WDR89: variants seen among roughly 807,000 people sequenced by gnomAD.
WDR89 encodes WD repeat domain 89, also known as WD repeat-containing protein 89.
In WDR89, 17 loss-of-function variants were observed where a neutral mutation model predicts 29.1. The ratio of observed to expected loss-of-function variants is 0.58; its 90% CI spans 0.40 to 0.88. The LOEUF (loss-of-function observed/expected upper bound fraction) is 0.88, where lower values mean the gene tolerates loss of function less well. WDR89 is among the 40% of genes least tolerant of loss of function. The probability of loss-of-function intolerance (pLI) is 0.00; values close to 1 mark genes in which losing one functional copy is unlikely to be tolerated. For missense variants in WDR89, 396 were observed against 456.3 expected (o/e 0.87, Z 1.20); for synonymous variants, 138 against 157.8 (o/e 0.87, Z 0.94).
intron 1 of WDR89, chr14:63,641,303 T>G (rs1304814202): frequency 6.6e-6 from 1 of 152,180 alleles, no homozygotes; most frequent in African/African-American, 2.4e-5. Context: ...ACCTACCTCT[T>G]TAGATAGCCA....
At chr14:63,610,807 T>G (rs1881931454) in intron 2 of WDR89, among the ~76,000 whole-genome samples, 1 of 150,638 alleles carries the variant, frequency 6.6e-6, no homozygotes, top group Non-Finnish European at 1.5e-5. Context: ...GTTCAATCAA[T>G]TCTCTTGCCT....
intron 1 of WDR89, among the ~76,000 whole-genome samples, chr14:63,638,935 G>A (rs1254081496): frequency 6.6e-6 from 1 of 152,166 alleles, no homozygotes; most frequent in African/African-American, 2.4e-5. Flanking sequence ...AAAGTATGTT[G>A]AGATGGAGAG....
At chr14:63,601,921 TA>T in intron 2 of WDR89, 1 of 466,590 alleles carries the variant, frequency 2.1e-6, no homozygotes, top group Non-Finnish European at 3.8e-6. Flanking sequence ...TATAATAAAC[TA>T]AATAACTAAT....
At chr14:63,639,852 C>T (rs1883989829) in intron 1 of WDR89, among the ~76,000 whole-genome samples, 2 of 152,054 alleles carry the variant, frequency 1.3e-5, no homozygotes, top group Admixed American at 1.3e-4. Context: ...GGCACAGTGG[C>T]TCGTGTGTAA....
At chr14:63,622,424 CA>C (rs1370321552) in intron 2 of WDR89, among the ~76,000 whole-genome samples, 1 of 151,824 alleles carries the variant, frequency 6.6e-6, no homozygotes, top group Non-Finnish European at 1.5e-5. Context: ...TACAAAAATA[CA>C]AAAAAATTAA....
At chr14:63,618,461 C>A (rs909027148) in intron 2 of WDR89, among the ~76,000 whole-genome samples, 2 of 152,042 alleles carry the variant, frequency 1.3e-5, no homozygotes, top group Admixed American at 1.3e-4. Context: ...GGCTTGTAGG[C>A]GTATTTTAAC....
chr14:63,617,067 T>G (rs1882359143), intron 2 of WDR89, among the ~76,000 whole-genome samples: 2 of 149,402 alleles, frequency 1.3e-5, no homozygotes, highest in South Asian at 4.2e-4. Flanking sequence ...ATTAATACTT[T>G]AATTACAAGC....
intron 2 of WDR89, among the ~76,000 whole-genome samples, chr14:63,608,224 A>C (rs1374196230): frequency 6.6e-6 from 1 of 152,034 alleles, no homozygotes; most frequent in African/African-American, 2.4e-5. Context: ...AACAAAACAA[A>C]CAAACAAACA....
chr14:63,602,922 A>AT (rs1198368703), intron 2 of WDR89, among the ~76,000 whole-genome samples: 2 of 151,990 alleles, frequency 1.3e-5, no homozygotes, highest in African/African-American at 2.4e-5. Flanking sequence ...AATTTATTTT[A>AT]TTTTTTTGTA....
intron 2 of WDR89, among the ~76,000 whole-genome samples, chr14:63,607,814 G>A (rs1258394055): frequency 6.6e-6 from 1 of 150,560 alleles, no homozygotes; most frequent in Non-Finnish European, 1.5e-5. Flanking sequence ...CCAGGAGGCG[G>A]AGTTTGCAGT....
intron 2 of WDR89, among the ~76,000 whole-genome samples, chr14:63,615,179 T>C (rs1566794044): frequency 6.6e-6 from 1 of 152,206 alleles, no homozygotes; most frequent in East Asian, 1.9e-4. Context: ...ATGTCCAGTT[T>C]TGCATGTAAA....
At chr14:63,611,368 A>G (rs942393769) in intron 2 of WDR89, among the ~76,000 whole-genome samples, 8 of 146,918 alleles carry the variant, frequency 5.4e-5, no homozygotes, top group African/African-American at 1.0e-4. Flanking sequence ...AAGCTTTAAG[A>G]TCATGAAAAA....
At chr14:63,630,889 C>T (rs887093264) in intron 1 of WDR89, 1 of 151,920 alleles carries the variant, frequency 6.6e-6, no homozygotes, top group Non-Finnish European at 1.5e-5. Flanking sequence ...AATCCTCCCA[C>T]CCCAGCCTCC....
At chr14:63,627,146 A>ACTCTCTCTCTCTCTCTCTCT (rs1226820529) in intron 1 of WDR89, among the ~76,000 whole-genome samples, 7 of 130,576 alleles carry the variant, frequency 5.4e-5, no homozygotes, top group African/African-American at 2.1e-4. Context: ...ACACACACAC[A>ACTCTCTCTCTCTCTCTCTCT]CACACTCTCT....
At chr14:63,610,803 T>C (rs1881931150) in intron 2 of WDR89, among the ~76,000 whole-genome samples, 2 of 150,058 alleles carry the variant, frequency 1.3e-5, no homozygotes, top group Non-Finnish European at 3.0e-5. Flanking sequence ...CCTGGTTCAA[T>C]CAATTCTCTT....
chr14:63,607,964 T>C (rs1291467174), intron 2 of WDR89, among the ~76,000 whole-genome samples: 1 of 150,918 alleles, frequency 6.6e-6, no homozygotes, highest in African/African-American at 2.4e-5. Flanking sequence ...TCCCAACACT[T>C]TGGGAGGCCA....
rs1009799974 is a variant in WDR89 at position 63,610,702 on chromosome 14, C to CTT, written c.-31-10731_-31-10730dup. Among the ~76,000 whole-genome samples the CTT allele has an allele frequency of 5.8e-3, 743 of 129,108 alleles. 5 individuals are homozygous for CTT. Among genetic ancestry groups the CTT allele is most frequent in the Non-Finnish European group, 9.0e-3 (544 of 60,224 alleles). 84.7% of individuals were successfully genotyped at this position (129,108 alleles called of 152,430 possible). A position where few individuals can be genotyped will look rare whatever the true frequency, so the allele number is the denominator to read the frequency against. ...GAGGAATATTCTTTTCTTTTCTTTT[C>CTT]TTTTTTTTTTTTTTTTTTGAGAGGG... On this transcript the variant is annotated intron_variant, in intron 2 of 2. Coordinates refer to ENST00000620954, the MANE Select transcript of WDR89 (RefSeq NM_080666.4).
chr14:63,630,165 C>T (rs1392749393), intron 1 of WDR89, among the ~76,000 whole-genome samples: 1 of 150,526 alleles, frequency 6.6e-6, no homozygotes, highest in East Asian at 2.0e-4. Flanking sequence ...CCAGGCTGGT[C>T]TCGAACTCCT....
chr14:63,611,439 T>C (rs1337400108), intron 2 of WDR89, among the ~76,000 whole-genome samples: 2 of 149,796 alleles, frequency 1.3e-5, no homozygotes, highest in Non-Finnish European at 3.0e-5. Flanking sequence ...GATGATGAAA[T>C]TCAATATGGT....
Sources: gnomAD v4.1 joint callset for allele counts (sites outside exome capture counted in the v4.1 genomes callset) on GRCh38, gnomAD v4.1.1 for gene constraint, MANE v1.5 for transcripts, NCBI Gene and HGNC (gene_info 2026-07-23, HGNC 2026-07-21) for gene names.